The following DPYD variants were observed in gnomAD, a reference collection of about 807,000 sequenced individuals.
DPYD encodes the protein dihydropyrimidine dehydrogenase [NADP(+)].
In DPYD, 109 loss-of-function variants were observed where a neutral mutation model predicts 116.2. That is an observed-to-expected ratio of 0.94 (90% CI 0.80 to 1.10). DPYD has a LOEUF of 1.10. Among genes scored for constraint, DPYD ranks in the 50% least tolerant of loss-of-function variants. The pLI is 0.00. For synonymous variants in DPYD, 440 were observed against 432.0 expected (o/e 1.02, Z -0.23); for missense variants, 1,302 against 1,254.5 (o/e 1.04, Z -0.57).
At position 97,444,275 on chromosome 1, in the gene DPYD, AAT is replaced by A. The variant is rs200780023; in HGVS notation, c.1905+5782_1905+5783del. On this transcript the variant is annotated intron_variant, in intron 14 of 22. Coordinates refer to ENST00000370192, the MANE Select transcript of DPYD (RefSeq NM_000110.4). ...TCTCAGGCTACTTAGGGCCAAATGA[AAT>A]ATTTCTTCAAGGTGTAATGGAAAGC... Among the ~76,000 whole-genome samples the A allele has an allele frequency of 5.4e-3, 824 of 152,262 alleles. 18 individuals are homozygous for A. The highest frequency in any genetic ancestry group is 0.048 in the Admixed American group (734 of 15,292).
intron 3 of DPYD, among the ~76,000 whole-genome samples, chr1:97,779,039 C>G (rs1403698658): frequency 6.6e-6 from 1 of 151,952 alleles, no homozygotes; most frequent in African/African-American, 2.4e-5. Context: ...TAGAAATTAT[C>G]TGGAATTTAT....
At chr1:97,306,998 T>G (rs1558015887) in intron 16 of DPYD, among the ~76,000 whole-genome samples, 1 of 151,964 alleles carries the variant, frequency 6.6e-6, no homozygotes, top group East Asian at 1.9e-4. Flanking sequence ...AAGCAAGAAA[T>G]AGACATTTCC....
At chr1:97,369,540 T>C (rs1262790393) in intron 16 of DPYD, among the ~76,000 whole-genome samples, 1 of 152,130 alleles carries the variant, frequency 6.6e-6, no homozygotes, top group Non-Finnish European at 1.5e-5. Flanking sequence ...GACCAAATCT[T>C]TGACCTGGGA....
intron 13 of DPYD, among the ~76,000 whole-genome samples, chr1:97,455,616 C>T (rs909169748): frequency 2.6e-5 from 4 of 151,852 alleles, no homozygotes; most frequent in African/African-American, 9.7e-5. Context: ...ATAAATCTAA[C>T]ATACTGATAC....
intron 16 of DPYD, among the ~76,000 whole-genome samples, chr1:97,348,441 G>A (rs1372682494): frequency 1.3e-5 from 2 of 152,178 alleles, no homozygotes; most frequent in Non-Finnish European, 2.9e-5. Context: ...ACTTAGCTAA[G>A]TTATCCTGCT....
intron 18 of DPYD, among the ~76,000 whole-genome samples, chr1:97,283,636 A>C (rs745954200): frequency 2.6e-5 from 4 of 152,166 alleles, no homozygotes; most frequent in Non-Finnish European, 5.9e-5. Context: ...AATTTGAAAT[A>C]AACGCTGTAT....
chr1:97,393,467 C>T (rs1187386286), intron 14 of DPYD, among the ~76,000 whole-genome samples: 3 of 151,724 alleles, frequency 2.0e-5, no homozygotes, highest in East Asian at 1.9e-4. Flanking sequence ...CAACAGGCCC[C>T]GGTGTGTGAT....
chr1:97,173,441 T>C (rs1047807701), intron 20 of DPYD, among the ~76,000 whole-genome samples: 3 of 146,472 alleles, frequency 2.0e-5, no homozygotes, highest in African/African-American at 5.1e-5. Context: ...TACGTACATA[T>C]ATATGTAAAA....
intron 13 of DPYD, among the ~76,000 whole-genome samples, chr1:97,455,027 T>C (rs1248791009): frequency 6.6e-6 from 1 of 151,856 alleles, no homozygotes; most frequent in East Asian, 1.9e-4. Context: ...CACAAAGCAA[T>C]ATATTATTTA....
intron 22 of DPYD, among the ~76,000 whole-genome samples, chr1:97,080,217 G>A (rs1367959639): frequency 6.6e-6 from 1 of 152,048 alleles, no homozygotes; most frequent in Non-Finnish European, 1.5e-5. Flanking sequence ...AGTCGGGGCT[G>A]AGGAAATTAC....
At chr1:97,560,260 C>G (rs758081588) in intron 11 of DPYD, among the ~76,000 whole-genome samples, 1 of 151,986 alleles carries the variant, frequency 6.6e-6, no homozygotes, top group Non-Finnish European at 1.5e-5. Flanking sequence ...CTCAGAGTTA[C>G]GTGAGAATCA....
chr1:97,631,218 T>C (rs1264423787), intron 8 of DPYD, among the ~76,000 whole-genome samples: 1 of 152,066 alleles, frequency 6.6e-6, no homozygotes, highest in Non-Finnish European at 1.5e-5. Context: ...GTTTGGCCAC[T>C]GCAAGCCAAA....
chr1:97,147,435 A>G (rs1654708906), intron 20 of DPYD, among the ~76,000 whole-genome samples: 1 of 152,236 alleles, frequency 6.6e-6, no homozygotes, highest in Non-Finnish European at 1.5e-5. Context: ...TGAATGCCAG[A>G]TGAAAGAATC....
chr1:97,838,698 AGCCG>A (rs1473222749), intron 2 of DPYD, among the ~76,000 whole-genome samples: 1 of 149,490 alleles, frequency 6.7e-6, no homozygotes, highest in East Asian at 2.0e-4. Context: ...ACAAAAAATT[AGCCG>A]GGCGCGGTGG....
At chr1:97,760,206 T>G (rs1389978262) in intron 3 of DPYD, among the ~76,000 whole-genome samples, 1 of 152,152 alleles carries the variant, frequency 6.6e-6, no homozygotes, top group Non-Finnish European at 1.5e-5. Flanking sequence ...TAGTCTGTAT[T>G]GGAACTCAGT....
intron 9 of DPYD, among the ~76,000 whole-genome samples, chr1:97,594,738 G>A (rs143208182): frequency 2.2e-4 from 33 of 151,574 alleles, no homozygotes; most frequent in Admixed American, 2.0e-3. Flanking sequence ...GATATGTGAC[G>A]ATTCATGCCA....
intron 12 of DPYD, chr1:97,546,453 T>C: frequency 3.1e-6 from 5 of 1,602,120 alleles, no homozygotes; most frequent in Non-Finnish European, 4.3e-6. Context: ...AGAAAGATGA[T>C]GGTAGTGACA....
chr1:97,666,734 AC>A (rs1303163108), intron 8 of DPYD, among the ~76,000 whole-genome samples: 3 of 152,172 alleles, frequency 2.0e-5, no homozygotes, highest in Non-Finnish European at 2.9e-5. Context: ...GGGGGGTTTC[AC>A]AAAAATTCAG....
intron 4 of DPYD, among the ~76,000 whole-genome samples, chr1:97,736,287 G>A (rs555923429): frequency 2.0e-5 from 3 of 151,366 alleles, no homozygotes; most frequent in African/African-American, 7.3e-5. Context: ...CTATGAAGTG[G>A]AAAAATAATA....
Sources: allele counts gnomAD v4.1 joint callset (sites outside exome capture counted in the v4.1 genomes callset), GRCh38; gene constraint gnomAD v4.1.1; transcripts MANE v1.5; gene names NCBI Gene and HGNC (gene_info 2026-07-23, HGNC 2026-07-21).